The following IGF2BP3 variants were observed in gnomAD, a reference collection of about 807,000 sequenced individuals.
IGF2BP3 encodes insulin-like growth factor 2 mRNA-binding protein 3.
Under a neutral mutation model 73.8 loss-of-function variants are expected in IGF2BP3, and 9 were observed. The ratio of observed to expected loss-of-function variants is 0.12; its 90% confidence interval spans 0.07 to 0.21. The LOEUF (loss-of-function observed/expected upper bound fraction) is 0.21, where lower values mean the gene tolerates loss of function less well. IGF2BP3 is among the 10% of genes least tolerant of loss of function. The pLI, the probability that IGF2BP3 is intolerant of heterozygous loss-of-function variation, is 1.00. For synonymous variants in IGF2BP3, 258 were observed against 256.7 expected (o/e 1.01, Z -0.05); for missense variants, 542 against 714.0 (o/e 0.76, Z 2.75).
intron 2 of IGF2BP3, among the ~76,000 whole-genome samples, chr7:23,451,300 C>A (rs1788189904): frequency 6.6e-6 from 1 of 152,134 alleles, no homozygotes; most frequent in Non-Finnish European, 1.5e-5. Context: ...TGCCTGTAGT[C>A]CCAGCTACTC....
In IGF2BP3 at chr7:23,361,548, C is replaced by G; in HGVS notation, c.387G>C (p.Lys129Asn). ...AAGCTGCTTACTGTCTAGCTTGGTC[C>G]TTACTGGAATAGGTTACATTTACAA... ...TAVVNVTYSSKDQARQALDKL... is the reference protein window; with the variant it reads ...TAVVNVTYSSNDQARQALDKL... Residue 129 changes from lysine (K) to asparagine (N), a missense_variant, in exon 5 of 15, where the codon AAG becomes AAC. Physicochemically the swap from Lys to Asn is moderately conservative, Grantham distance 94. Around this residue, in one of 2 missense-constraint regions of IGF2BP3, gnomAD observed 239 missense variants for 241.9 expected, o/e 0.99. Transcript: ENST00000258729. 1.9e-6 allele frequency: 3 copies of G among 1,612,242 alleles called. No individual in the cohort carries two copies. The highest frequency in any genetic ancestry group is 2.5e-6 in the Non-Finnish European group (3 of 1,179,438).
intron 3 of IGF2BP3, among the ~76,000 whole-genome samples, chr7:23,387,087 A>G (rs1786107542): frequency 6.6e-6 from 1 of 151,772 alleles, no homozygotes; most frequent in Non-Finnish European, 1.5e-5. Flanking sequence ...AGAAAGAAAG[A>G]AAGAAAAAGG....
chr7:23,406,461 A>C (rs1786834458), intron 3 of IGF2BP3, among the ~76,000 whole-genome samples: 1 of 152,024 alleles, frequency 6.6e-6, no homozygotes, highest in South Asian at 2.1e-4. Context: ...GTGTGTCTGG[A>C]GTTTGTTCCT....
intron 3 of IGF2BP3, among the ~76,000 whole-genome samples, chr7:23,369,348 C>T (rs954352778): frequency 1.1e-4 from 16 of 152,144 alleles, no homozygotes; most frequent in African/African-American, 3.9e-4. Flanking sequence ...CAGATCACAC[C>T]TCCTGGCATC....
intron 2 of IGF2BP3, among the ~76,000 whole-genome samples, chr7:23,456,016 C>G (rs532489239): frequency 4.3e-4 from 65 of 152,208 alleles, no homozygotes; most frequent in African/African-American, 1.5e-3. Flanking sequence ...CCCCTGAAAC[C>G]TAGCATAGAA....
intron 7 of IGF2BP3, 96 bp from the exon 8 acceptor site, chr7:23,346,158 CCATCTGGGAAG>C: frequency 2.9e-6 from 4 of 1,370,360 alleles, no homozygotes; most frequent in Non-Finnish European, 4.0e-6. Flanking sequence ...TTCCTACCTA[CCATCTGGGAAG>C]CACTGTGTTA....
chr7:23,334,711 C>T (rs1487909251), intron 10 of IGF2BP3, among the ~76,000 whole-genome samples: 5 of 152,202 alleles, frequency 3.3e-5, no homozygotes, highest in East Asian at 1.9e-4. Flanking sequence ...CTCTCAACTA[C>T]GGCTTGAAAT....
At chr7:23,331,164 A>C (rs1033835128) in intron 10 of IGF2BP3, among the ~76,000 whole-genome samples, 2 of 152,206 alleles carry the variant, frequency 1.3e-5, no homozygotes, top group African/African-American at 4.8e-5. Flanking sequence ...TTCTTTAATA[A>C]ATTTATTGAC....
intron 2 of IGF2BP3, among the ~76,000 whole-genome samples, chr7:23,440,279 AAAAAAAAT>A (rs1470084902): frequency 6.6e-6 from 1 of 151,610 alleles, no homozygotes; most frequent in African/African-American, 2.4e-5. Context: ...CAAAAAAAAA[AAAAAAAAT>A]TAGCTGGGCA....
chr7:23,411,641 C>CA (rs1198352090), intron 3 of IGF2BP3, among the ~76,000 whole-genome samples: 1 of 152,220 alleles, frequency 6.6e-6, no homozygotes, highest in Non-Finnish European at 1.5e-5. Context: ...CCTGTATCCA[C>CA]ATGGACCAAG....
At chr7:23,366,779 A>G (rs536951335) in intron 3 of IGF2BP3, among the ~76,000 whole-genome samples, 8 of 152,266 alleles carry the variant, frequency 5.3e-5, no homozygotes, top group African/African-American at 1.9e-4. Flanking sequence ...AGGGCTGTCA[A>G]TAGCCTAATA....
At chr7:23,462,777 C>T (rs1464378135) in intron 2 of IGF2BP3, among the ~76,000 whole-genome samples, 1 of 152,172 alleles carries the variant, frequency 6.6e-6, no homozygotes, top group Non-Finnish European at 1.5e-5. Flanking sequence ...TTCAGGGCAA[C>T]AAAATTCACA....
At chr7:23,403,973 A>AT (rs545158459) in intron 3 of IGF2BP3, among the ~76,000 whole-genome samples, 119 of 146,884 alleles carry the variant, frequency 8.1e-4, no homozygotes, top group East Asian at 1.2e-3. Flanking sequence ...AAAAAAAAAA[A>AT]TTTTTTTTTT....
intron 2 of IGF2BP3, among the ~76,000 whole-genome samples, chr7:23,454,391 C>T (rs1220139205): frequency 6.6e-6 from 1 of 152,142 alleles, no homozygotes; most frequent in East Asian, 1.9e-4. Flanking sequence ...ATGTGAAACA[C>T]TCCTATGTCT....
intron 10 of IGF2BP3, among the ~76,000 whole-genome samples, chr7:23,338,401 G>C (rs1784627199): frequency 6.6e-6 from 1 of 152,174 alleles, no homozygotes. Flanking sequence ...TGTGCCTGTA[G>C]TCCCAGCTAC....
intron 2 of IGF2BP3, among the ~76,000 whole-genome samples, chr7:23,448,095 C>T (rs1788107292): frequency 6.6e-6 from 1 of 152,182 alleles, no homozygotes; most frequent in Non-Finnish European, 1.5e-5. Flanking sequence ...ATGTCAGAGG[C>T]CGGACTCTCC....
Position 23,383,634 on chromosome 7 carries a change from C to T in IGF2BP3, c.286-21893G>A, listed in dbSNP as rs113918273. Among the ~76,000 whole-genome samples the T allele has an allele frequency of 3.7e-3, 561 of 152,218 alleles. 4 individuals are homozygous for T. The highest frequency in any genetic ancestry group is 0.012 in the African/African-American group (494 of 41,524). On this transcript the variant is annotated intron_variant, in intron 3 of 14. Transcript: ENST00000258729. ...GACTCTGCAAGTGAACTCCTAGAAA[C>T]ATACCCAAGAAAAATGAAAACACAT...
intron 5 of IGF2BP3, among the ~76,000 whole-genome samples, chr7:23,354,808 T>G (rs970625105): frequency 1.3e-5 from 2 of 152,210 alleles, no homozygotes; most frequent in African/African-American, 4.8e-5. Flanking sequence ...CCAGGCAGAA[T>G]GCAGACAGCC....
intron 2 of IGF2BP3, among the ~76,000 whole-genome samples, chr7:23,438,130 A>AT (rs930141091): frequency 4.0e-4 from 61 of 152,252 alleles, no homozygotes; most frequent in African/African-American, 1.4e-3. Flanking sequence ...TCAAATTTTA[A>AT]TTTTTTTGAG....
Sources: gnomAD v4.1 joint callset for allele counts (sites outside exome capture counted in the v4.1 genomes callset) on GRCh38, gnomAD v4.1.1 for gene constraint, gnomAD v4.1.1 regional missense constraint, MANE v1.5 for transcripts, NCBI Gene and HGNC (gene_info 2026-07-23, HGNC 2026-07-21) for gene names.